The following KCNAB3 variants were observed in gnomAD, a reference collection of about 807,000 sequenced individuals.
KCNAB3 encodes the protein voltage-gated potassium channel subunit beta-3.
Under a neutral mutation model 67.7 loss-of-function variants are expected in KCNAB3, and 62 were observed. That is an observed-to-expected ratio of 0.92 (90% confidence interval 0.75 to 1.13). KCNAB3 has a LOEUF of 1.13. KCNAB3 is among the 50% of genes most tolerant of loss of function. The probability of loss-of-function intolerance (pLI) is 0.00; values close to 1 mark genes in which losing one functional copy is unlikely to be tolerated. For missense variants in KCNAB3, 514 were observed against 522.9 expected, an observed-to-expected ratio of 0.98 and a Z score of 0.17; for synonymous variants, 212 against 205.4, an observed-to-expected ratio of 1.03 and a Z score of -0.27.
intron 3 of KCNAB3, 78 bp from the exon 4 acceptor site, chr17:7,927,501 C>T (rs1412884516): frequency 6.6e-7 from 1 of 1,525,104 alleles, no homozygotes; most frequent in African/African-American, 1.4e-5. Flanking sequence ...CATCACATCT[C>T]AGCCCTGGGT....
Position 7,927,331 on chromosome 17 carries a change from C to T in KCNAB3, c.404+13G>A, listed in dbSNP as rs777503129. 11 of 1,611,810 alleles carry T rather than the reference C, an allele frequency of 6.8e-6. No homozygotes were observed. Among genetic ancestry groups the T allele is most frequent in the Admixed American group, 1.7e-5 (1 of 59,998 alleles). ...TTCCAAATGGAGCTTAGCTCTTTCA[C>T]CCCAGTCCTTACTTTCCTGCTGCGT... On this transcript the variant is annotated intron_variant, in intron 4 of 13. Transcript: ENST00000303790.
intron 11 of KCNAB3, 68 bp downstream of exon 11, chr17:7,923,900 C>A: frequency 1.9e-6 from 3 of 1,559,090 alleles, no homozygotes; most frequent in Non-Finnish European, 2.6e-6. Context: ...CACAAAGCAG[C>A]CCCCCGTAAC....
chr17:7,926,925 G>A (rs1330571912), intron 4 of KCNAB3, among the ~76,000 whole-genome samples: 2 of 152,094 alleles, frequency 1.3e-5, no homozygotes, highest in Admixed American at 6.5e-5. Context: ...GACCAACTCT[G>A]GGGAGTTGGG....
At position 7,929,094 on chromosome 17, in the gene KCNAB3, T is replaced by A; in HGVS notation, c.242+100A>T. 1 of 1,510,924 alleles carries A rather than the reference T, an allele frequency of 6.6e-7. No homozygotes were observed. Among genetic ancestry groups the A allele is most frequent in the East Asian group, 2.3e-5 (1 of 43,378 alleles). The allele number at this position is 1,510,924 out of a possible 1,614,324, so 93.6% of individuals were successfully genotyped here. A position where few individuals can be genotyped will look rare whatever the true frequency, so the allele number is the denominator to read the frequency against. On this transcript the variant is annotated intron_variant, in intron 1 of 13. Coordinates refer to ENST00000303790, the MANE Select transcript of KCNAB3 (RefSeq NM_004732.4). The surrounding 1 kb of genome is among the most constrained non-coding windows in gnomAD (Gnocchi z 5.7). ...AGAAGAGATGGAAAGAAGGGAGACC[T>A]ACTTAGTGAAGTTTGAAGGGGTCTT...
chr17:7,924,613 G>A (rs1382150543), intron 8 of KCNAB3, 113 bp from the exon 9 acceptor site: 3 of 1,446,746 alleles, frequency 2.1e-6, no homozygotes, highest in African/African-American at 2.9e-5. Flanking sequence ...ATGGAGTCAT[G>A]AAAGTTAATA....
At chr17:7,925,450 A>T (rs1972193016) in intron 7 of KCNAB3, 1 of 595,224 alleles carries the variant, frequency 1.7e-6, no homozygotes, top group African/African-American at 1.9e-5. Context: ...AATCCCTTGA[A>T]CCCGGGAGGA....
chr17:7,924,460 C>T lies in KCNAB3; in HGVS notation c.666G>A (p.Leu222=), dbSNP rs774228071. 1 of 1,614,120 alleles carries T rather than the reference C, an allele frequency of 6.2e-7. No homozygotes were observed. Among genetic ancestry groups the T allele is most frequent in the Admixed American group, 1.7e-5 (1 of 60,008 alleles). ...RAMTYVINQG[L]ALYWGTSRWG... is the part of the protein sequence containing the mutation. ...ATCGGGATGTCCCCCAGTATAGGGC[C>T]AGGCCCTGGTTGATGACATAGGTCA... The change falls in exon 9 of 14, where the codon CTG becomes CTA. Residue 222 remains leucine (L), a synonymous_variant. Transcript: ENST00000303790.
intron 3 of KCNAB3, 62 bp from the exon 4 acceptor site, chr17:7,927,485 C>G: frequency 1.9e-6 from 3 of 1,554,202 alleles, no homozygotes; most frequent in Non-Finnish European, 2.7e-6. Flanking sequence ...TCACTGTACT[C>G]TAACCCATCA....
rs998656771 is a variant in KCNAB3, at chr17:7,929,328, G to A, written c.108C>T (p.Ala36=). The A allele has an allele frequency of 1.6e-5, 25 of 1,551,262 alleles. No individual in the cohort carries two copies. Among genetic ancestry groups the A allele is most frequent in the Non-Finnish European group, 2.1e-5 (24 of 1,147,980 alleles). ...PGPGGGNGGP[A]GGGHGNPPGG... ...CCGGAGGATTCCCGTGCCCCCCGCC[G>A]GCCGGCCCACCATTACCGCCCCCGG... Residue 36 remains alanine (A), a synonymous_variant, in exon 1 of 14, where the codon GCC becomes GCT. Transcript: ENST00000303790. The surrounding 1 kb of genome is among the most constrained non-coding windows in gnomAD (Gnocchi z 5.7).
In KCNAB3 at chr17:7,923,725, G is replaced by A. The variant is rs1972125547; in HGVS notation, c.1034C>T (p.Ala345Val). The change falls in exon 12 of 14, where the codon GCC becomes GTC. Residue 345 changes from alanine (A) to valine (V), a missense_variant. Physicochemically the swap from Ala to Val is moderately conservative, Grantham distance 64 (BLOSUM62 0). Coordinates refer to ENST00000303790, the MANE Select transcript of KCNAB3 (RefSeq NM_004732.4). ...CAATGTCTCACCAATAGCAAGCTGG[G>A]CCACGGTGCAGCCCAGCTGGTGAGC... The part of the protein sequence containing the change: ...PVAHQLGCTV[A>V]QLAIAWCLRS... 2.6e-6 allele frequency: 4 copies of A among 1,562,928 alleles called. No individual in the cohort carries two copies. The highest frequency in any genetic ancestry group is 3.8e-5 in the Admixed American group (2 of 52,256).
Position 7,924,437 on chromosome 17 carries a change from C to T in KCNAB3, c.689G>A (p.Arg230Gln), listed in dbSNP as rs111968052. The part of the protein sequence containing the change: ...QGLALYWGTS[R>Q]WGAAEIMEAY... ...CACCATGATTTCTGCAGCCCCCCAT[C>T]GGGATGTCCCCCAGTATAGGGCCAG... Residue 230 changes from arginine to glutamine, a missense_variant, in exon 9 of 14, where the codon CGA (arginine) becomes CAA (glutamine). Physicochemically the swap from Arg to Gln is conservative, Grantham distance 43. Coordinates refer to ENST00000303790, the MANE Select transcript of KCNAB3 (RefSeq NM_004732.4). 28 of 1,614,006 alleles carry T rather than the reference C, an allele frequency of 1.7e-5. No homozygotes were observed. The highest frequency in any genetic ancestry group is 1.6e-4 in the Middle Eastern group (1 of 6,062).
rs78223497 is a variant in KCNAB3, at chr17:7,925,035, C to T, written c.625+62G>A. The T allele has an allele frequency of 4.8e-3, 7,051 of 1,482,144 alleles. 284 individuals carry two copies. In the African/African-American group the frequency reaches 0.087, roughly 18 times the overall value. The allele number at this position is 1,482,144 out of a possible 1,614,324, so 91.8% of individuals were successfully genotyped here. ...TCCTGGGATTACAGGAATGAGCCAC[C>T]GCACCCAGCAAGGAAGTGCTCAGTT... On this transcript the variant is annotated intron_variant, in intron 8 of 13. Transcript: ENST00000303790.
Position 7,925,678 on chromosome 17 carries a change from C to T in KCNAB3, c.538+5G>A. On this transcript the variant is annotated splice_donor_5th_base_variant and intron_variant, in intron 7 of 13. Coordinates refer to ENST00000303790, the MANE Select transcript of KCNAB3 (RefSeq NM_004732.4). ...CACTTTGGGTTTCCAGCCCCTAACT[C>T]TCACCCTCAATGATGTGCTTTCGGC... 6.2e-7 allele frequency: 1 copy of T among 1,614,100 alleles called. No homozygotes were observed. Among genetic ancestry groups the T allele is most frequent in the Non-Finnish European group, 8.5e-7 (1 of 1,179,998 alleles).
In KCNAB3 at chr17:7,929,481, G is replaced by T; in HGVS notation, c.-46C>A. On this transcript the variant is annotated 5_prime_UTR_variant, in exon 1 of 14. Coordinates refer to ENST00000303790, the MANE Select transcript of KCNAB3 (RefSeq NM_004732.4). The surrounding 1 kb of genome is among the most constrained non-coding windows in gnomAD (Gnocchi z 5.7). The stretch of plus-strand genomic sequence containing the variant: ...GAGGGGGCTCCGAGGGGACGGGAGG[G>T]GGGAGCAGGGAAGCCCGAGGGCTGA... 6.5e-7 allele frequency: 1 copy of T among 1,540,262 alleles called. No individual in the cohort carries two copies.
At chr17:7,925,039 C>T (rs758387508) in intron 8 of KCNAB3, 58 bp downstream of exon 8, 1 of 1,511,136 alleles carries the variant, frequency 6.6e-7, no homozygotes, top group Non-Finnish European at 9.2e-7. Context: ...AGCCACCGCA[C>T]CCAGCAAGGA....
intron 1 of KCNAB3, 138 bp from the exon 2 acceptor site, chr17:7,927,964 A>T (rs1167292382): frequency 4.0e-5 from 38 of 958,116 alleles, no homozygotes; most frequent in Non-Finnish European, 4.0e-5. Context: ...TGGGCCTATA[A>T]GATTGGGCAA....
rs555422440 is a variant in KCNAB3, at chr17:7,929,359, G to T, written c.77C>A (p.Pro26Gln). Residue 26 changes from proline (P) to glutamine (Q), a missense_variant, in exon 1 of 14, where the codon CCG (proline) becomes CAG (glutamine). Pro to Gln is a moderately conservative substitution (Grantham distance 76, BLOSUM62 -1). Coordinates refer to ENST00000303790, the MANE Select transcript of KCNAB3 (RefSeq NM_004732.4). The surrounding 1 kb of genome is among the most constrained non-coding windows in gnomAD (Gnocchi z 5.7). ...CCCACCATTACCGCCCCCGGGGCCC[G>T]GCCGGGGTCCACACAGACGGTCCTC... ...SSEDRLCGPR[P>Q]GPGGGNGGPA... is the part of the protein sequence containing the mutation. The T allele has an allele frequency of 7.1e-6, 11 of 1,549,204 alleles. No homozygotes were observed. The East Asian group carries it at 2.4e-4, about 34-fold the overall frequency.
In KCNAB3 at chr17:7,929,150, C is replaced by A; in HGVS notation, c.242+44G>T. 6.2e-7 allele frequency: 1 copy of A among 1,604,256 alleles called. No individual in the cohort carries two copies. ...CCATCTCAAGCAGTCTCAGGGGTCCCGAAAGGAAAGCGGAAGGGGTGGGCT... is the reference window on the plus strand; with the variant it reads ...CCATCTCAAGCAGTCTCAGGGGTCCAGAAAGGAAAGCGGAAGGGGTGGGCT... On this transcript the variant is annotated intron_variant, in intron 1 of 13. Coordinates refer to ENST00000303790, the MANE Select transcript of KCNAB3 (RefSeq NM_004732.4). The surrounding 1 kb of genome is among the most constrained non-coding windows in gnomAD (Gnocchi z 5.7).
At chr17:7,927,251 T>C (rs1972262383) in intron 4 of KCNAB3, 93 bp downstream of exon 4, 1 of 1,206,340 alleles carries the variant, frequency 8.3e-7, no homozygotes. Flanking sequence ...TTCTCAGAAG[T>C]CCCAGGGTTC....
Sources: gnomAD v4.1 joint callset for allele counts (sites outside exome capture counted in the v4.1 genomes callset) on GRCh38, gnomAD v4.1.1 for gene constraint, Gnocchi (gnomAD v3.1) non-coding constraint, MANE v1.5 for transcripts, NCBI Gene and HGNC (gene_info 2026-07-23, HGNC 2026-07-21) for gene names.